The following PHF6 variants were observed in gnomAD, a reference collection of about 807,000 sequenced individuals.
PHF6 encodes PHD-like zinc finger protein.
A neutral mutation model predicts 34.0 loss-of-function variants in PHF6; 7 were observed. That is an observed-to-expected ratio of 0.21 (90% confidence interval 0.12 to 0.39). The LOEUF is 0.39. Among genes scored for constraint, PHF6 ranks in the 10% least tolerant of loss-of-function variants. The pLI, the probability that PHF6 is intolerant of heterozygous loss-of-function variation, is 1.00. For synonymous variants in PHF6, 89 were observed against 88.4 expected (o/e 1.01, Z -0.04); for missense variants, 128 against 262.8 (o/e 0.49, Z 3.55).
chrX:134,389,581 T>C (rs780811931), intron 3 of PHF6, among the ~76,000 whole-genome samples: 334 of 111,913 alleles, frequency 3.0e-3, no homozygotes, highest in African/African-American at 0.01. Flanking sequence ...AGGGAAGGCC[T>C]CTTTGTTTTA....
At chrX:134,389,011 C>T (rs1017709797) in intron 3 of PHF6, among the ~76,000 whole-genome samples, 23 of 111,345 alleles carry the variant, frequency 2.1e-4, no homozygotes, top group African/African-American at 5.5e-4. Flanking sequence ...ACGATAGAGA[C>T]GCCATGCAAA....
intron 3 of PHF6, among the ~76,000 whole-genome samples, chrX:134,389,366 C>T (rs1394683052): frequency 1.8e-5 from 2 of 111,133 alleles, no homozygotes; most frequent in Non-Finnish European, 3.8e-5. Flanking sequence ...CATTTTCCCA[C>T]GTTTGAGGGA....
At chrX:134,391,967 T>G (rs1040873376) in intron 3 of PHF6, among the ~76,000 whole-genome samples, 1 of 111,936 alleles carries the variant, frequency 8.9e-6, no homozygotes, top group Admixed American at 9.5e-5. Context: ...ACTTTGAAGT[T>G]TCTGTATTTA....
chrX:134,393,862 TTTAA>T, intron 4 of PHF6, 43 bp from the exon 5 acceptor site: 3 of 1,123,142 alleles, frequency 2.7e-6, no homozygotes, highest in Non-Finnish European at 3.7e-6. Context: ...GAAAAGTGAG[TTTAA>T]TTTAGTTTGC....
chrX:134,424,277 A>G (rs1351930504), intron 9 of PHF6, among the ~76,000 whole-genome samples: 1 of 111,769 alleles, frequency 8.9e-6, no homozygotes, highest in Admixed American at 9.6e-5. Flanking sequence ...TTAGCACTCC[A>G]GAGATAACTT....
At chrX:134,410,122 G>T (rs187437081) in intron 5 of PHF6, among the ~76,000 whole-genome samples, 43 of 111,614 alleles carry the variant, frequency 3.9e-4, no homozygotes, top group African/African-American at 1.3e-3. Context: ...TGTCTTTTTG[G>T]TGGAACGATT....
At chrX:134,379,441 T>C (rs1398462421) in intron 3 of PHF6, among the ~76,000 whole-genome samples, 3 of 83,151 alleles carry the variant, frequency 3.6e-5, no homozygotes, top group Non-Finnish European at 6.9e-5. Context: ...TCTTTTTTTT[T>C]TTTTTTTTTT....
intron 5 of PHF6, among the ~76,000 whole-genome samples, chrX:134,401,940 C>T (rs1354209235): frequency 9.1e-6 from 1 of 110,131 alleles, no homozygotes; most frequent in Non-Finnish European, 1.9e-5. Flanking sequence ...GATTTGAAGC[C>T]TTTACCTGCT....
intron 9 of PHF6, chrX:134,417,954 A>G: frequency 8.9e-6 from 1 of 112,336 alleles, no homozygotes; most frequent in African/African-American, 3.2e-5. Context: ...ATATGCAATT[A>G]CAACATAGCA....
intron 8 of PHF6, chrX:134,415,333 A>G: frequency 1.8e-6 from 1 of 545,589 alleles, no homozygotes; most frequent in Non-Finnish European, 2.9e-6. Context: ...AGAGAATTAT[A>G]CTGAGAAGAT....
intron 3 of PHF6, among the ~76,000 whole-genome samples, chrX:134,381,945 A>G (rs143410582): frequency 2.7e-5 from 3 of 111,658 alleles, no homozygotes; most frequent in African/African-American, 9.8e-5. Context: ...ACAAATTTCA[A>G]TCTGTACCTG....
chrX:134,408,150 A>G (rs2077433379), intron 5 of PHF6, among the ~76,000 whole-genome samples: 1 of 109,929 alleles, frequency 9.1e-6, no homozygotes, highest in Non-Finnish European at 1.9e-5. Context: ...CTGGTCTTGA[A>G]CTCCTGACCT....
chrX:134,393,948 C>T lies in PHF6; in HGVS notation c.414C>T (p.Ser138=), dbSNP rs200423380. The T allele has an allele frequency of 5.2e-5, 63 of 1,207,879 alleles. No individual in the cohort carries two copies. The East Asian group carries it at 6.2e-4, about 12-fold the overall frequency. The change falls in exon 5 of 11, where the codon TCC becomes TCT. Residue 138 remains serine, a synonymous_variant. Transcript: ENST00000370803. The part of the protein sequence containing the change: ...CRKHKKTAHN[S]EADLEESFNE... ...AACACAAGAAAACTGCACATAACTC[C>T]GAAGGTACATCATTTAGCCACGTTT...
intron 3 of PHF6, among the ~76,000 whole-genome samples, chrX:134,384,887 A>G (rs997990489): frequency 1.3e-4 from 14 of 110,556 alleles, no homozygotes; most frequent in Middle Eastern, 4.3e-3. Flanking sequence ...TCCTGACCTC[A>G]TGATCCGCCC....
intron 5 of PHF6, among the ~76,000 whole-genome samples, chrX:134,409,460 T>C (rs2077440208): frequency 1.8e-5 from 2 of 111,585 alleles, no homozygotes; most frequent in South Asian, 7.5e-4. Flanking sequence ...TGTATTCTTT[T>C]TTTCATCTTG....
At chrX:134,418,774 CTG>C (rs2077480748) in intron 9 of PHF6, 2 of 110,952 alleles carry the variant, frequency 1.8e-5, no homozygotes, top group Admixed American at 1.9e-4. Context: ...GCTTACATAA[CTG>C]TGGTACCAAA....
At chrX:134,406,110 CTTTT>C (rs761145296) in intron 5 of PHF6, among the ~76,000 whole-genome samples, 5 of 77,021 alleles carry the variant, frequency 6.5e-5, no homozygotes, top group East Asian at 3.2e-4. Context: ...TTCTTTCTTT[CTTTT>C]TTTTTTTACT....
chrX:134,395,105 G>A (rs982587941), intron 5 of PHF6, among the ~76,000 whole-genome samples: 2 of 110,380 alleles, frequency 1.8e-5, no homozygotes, highest in Non-Finnish European at 3.8e-5. Context: ...CACTCACCTC[G>A]GCCTCCCAAA....
At chrX:134,384,977 A>G (rs769784309) in intron 3 of PHF6, among the ~76,000 whole-genome samples, 11 of 111,142 alleles carry the variant, frequency 9.9e-5, no homozygotes, top group African/African-American at 3.3e-4. Context: ...ATGCTACCCT[A>G]TGTCCAGTCT....
Sources: allele counts gnomAD v4.1 joint callset (sites outside exome capture counted in the v4.1 genomes callset), GRCh38; gene constraint gnomAD v4.1.1; transcripts MANE v1.5; gene names NCBI Gene and HGNC (gene_info 2026-07-23, HGNC 2026-07-21).